The following CRPPA variants were observed in gnomAD, a reference collection of about 807,000 sequenced individuals.
CRPPA encodes D-ribitol-5-phosphate cytidylyltransferase.
Under a neutral mutation model 52.0 loss-of-function variants are expected in CRPPA, and 43 were observed. The ratio of observed to expected loss-of-function variants is 0.83; its 90% CI spans 0.65 to 1.07. CRPPA has a LOEUF of 1.07. Ranked by LOEUF, CRPPA falls within the 50% of genes least tolerant of loss-of-function variation. The pLI is 0.00. For synonymous variants in CRPPA, 250 were observed against 203.5 expected (o/e 1.23, Z -1.94); for missense variants, 629 against 551.7 (o/e 1.14, Z -1.40).
At chr7:16,291,568 A>G (rs1258231919) in intron 5 of CRPPA, among the ~76,000 whole-genome samples, 1 of 152,002 alleles carries the variant, frequency 6.6e-6, no homozygotes, top group Non-Finnish European at 1.5e-5. Flanking sequence ...GAGAATGATG[A>G]CTAACAGAAG....
At chr7:16,303,079 T>C (rs969666755) in intron 4 of CRPPA, among the ~76,000 whole-genome samples, 1 of 152,126 alleles carries the variant, frequency 6.6e-6, no homozygotes, top group East Asian at 1.9e-4. Flanking sequence ...AGGAAAAAAA[T>C]AAGGCTAAAA....
chr7:16,128,565 C>T (rs1376694928), intron 9 of CRPPA, among the ~76,000 whole-genome samples: 1 of 152,000 alleles, frequency 6.6e-6, no homozygotes, highest in African/African-American at 2.4e-5. Context: ...GGTAACAAAG[C>T]CAAAGAAATA....
intron 9 of CRPPA, among the ~76,000 whole-genome samples, chr7:16,170,906 T>G (rs1317352743): frequency 6.6e-6 from 1 of 152,224 alleles, no homozygotes; most frequent in Non-Finnish European, 1.5e-5. Flanking sequence ...GAACTTGCAC[T>G]GGCCTGCGAG....
chr7:16,212,535 G>GT (rs1270876278), intron 9 of CRPPA, among the ~76,000 whole-genome samples: 1 of 152,040 alleles, frequency 6.6e-6, no homozygotes, highest in Non-Finnish European at 1.5e-5. Context: ...TATACACACC[G>GT]TAATGAATAA....
intron 6 of CRPPA, among the ~76,000 whole-genome samples, chr7:16,273,476 C>CGGT (rs908583275): frequency 1.3e-5 from 2 of 151,906 alleles, no homozygotes; most frequent in African/African-American, 4.8e-5. Flanking sequence ...GACGGCTTGA[C>CGGT]GGTAGGACCA....
chr7:16,372,097 T>C (rs990820569), intron 3 of CRPPA, among the ~76,000 whole-genome samples: 2 of 152,176 alleles, frequency 1.3e-5, no homozygotes, highest in Non-Finnish European at 2.9e-5. Context: ...GAGGGAGAAA[T>C]GAAGTCTAAG....
chr7:16,161,109 T>C (rs995138293), intron 9 of CRPPA, among the ~76,000 whole-genome samples: 7 of 152,176 alleles, frequency 4.6e-5, no homozygotes, highest in African/African-American at 1.4e-4. Flanking sequence ...AATATACACA[T>C]ACAATCATGT....
intron 9 of CRPPA, among the ~76,000 whole-genome samples, chr7:16,167,101 T>A (rs1781083570): frequency 6.6e-6 from 1 of 152,078 alleles, no homozygotes; most frequent in Non-Finnish European, 1.5e-5. Flanking sequence ...GCTAATTTTT[T>A]GTACTTAGTA....
chr7:16,210,149 T>C (rs1053366127), intron 9 of CRPPA, among the ~76,000 whole-genome samples: 1 of 152,236 alleles, frequency 6.6e-6, no homozygotes, highest in African/African-American at 2.4e-5. Flanking sequence ...TATACATATA[T>C]ACATGTGTGT....
At chr7:16,123,422 G>A (rs1782515493) in intron 9 of CRPPA, among the ~76,000 whole-genome samples, 1 of 152,076 alleles carries the variant, frequency 6.6e-6, no homozygotes, top group African/African-American at 2.4e-5. Flanking sequence ...TTAGAATCAT[G>A]AGAATTTGTC....
intron 3 of CRPPA, among the ~76,000 whole-genome samples, chr7:16,334,443 G>A (rs769860519): frequency 7.2e-5 from 11 of 152,156 alleles, no homozygotes; most frequent in Admixed American, 7.2e-4. Context: ...CCAAACTTCA[G>A]TGCTCTGCTT....
rs192724140 is a variant in CRPPA, at chr7:16,169,921, T to C, written c.1251+46145A>G. Among the ~76,000 whole-genome samples the C allele has an allele frequency of 1.8e-4, 27 of 152,312 alleles. No homozygotes were observed. The East Asian group carries it at 5.2e-3, about 29-fold the overall frequency. On this transcript the variant is annotated intron_variant, in intron 9 of 9. Coordinates refer to ENST00000407010, the MANE Select transcript of CRPPA (RefSeq NM_001101426.4). ...ACAAATGATAATATTAAACTATAAA[T>C]AATTTAGATATTCCTGTTGATATAA...
At chr7:16,183,947 T>A (rs1781458196) in intron 9 of CRPPA, among the ~76,000 whole-genome samples, 2 of 152,178 alleles carry the variant, frequency 1.3e-5, no homozygotes, top group East Asian at 1.9e-4. Flanking sequence ...GGGTAGTTTT[T>A]TTGTTTGTTT....
chr7:16,400,117 C>T (rs1787767333), intron 2 of CRPPA, among the ~76,000 whole-genome samples: 1 of 151,914 alleles, frequency 6.6e-6, no homozygotes, highest in African/African-American at 2.4e-5. Context: ...TGATACATGA[C>T]CAACACGTGA....
intron 9 of CRPPA, among the ~76,000 whole-genome samples, chr7:16,141,398 T>C (rs1322955865): frequency 6.6e-6 from 1 of 152,228 alleles, no homozygotes; most frequent in Non-Finnish European, 1.5e-5. Flanking sequence ...TATTCTTCTG[T>C]AATTTATGCA....
At chr7:16,279,356 G>C (rs1169059811) in intron 5 of CRPPA, among the ~76,000 whole-genome samples, 1 of 152,088 alleles carries the variant, frequency 6.6e-6, no homozygotes, top group Non-Finnish European at 1.5e-5. Flanking sequence ...CATTCCAGGA[G>C]CTATATGGTA....
At chr7:16,220,389 AG>A (rs1355833461) in intron 8 of CRPPA, among the ~76,000 whole-genome samples, 1 of 92,182 alleles carries the variant, frequency 1.1e-5, no homozygotes, top group East Asian at 2.7e-4. Flanking sequence ...GGCACAAGAC[AG>A]GGATGCCCTC....
intron 3 of CRPPA, among the ~76,000 whole-genome samples, chr7:16,313,249 T>C (rs1441399002): frequency 6.6e-6 from 1 of 151,908 alleles, no homozygotes; most frequent in East Asian, 1.9e-4. Flanking sequence ...GTTTAACAGA[T>C]GTTGCCTTAT....
chr7:16,154,392 T>G (rs1040115156), intron 9 of CRPPA, among the ~76,000 whole-genome samples: 4 of 152,118 alleles, frequency 2.6e-5, no homozygotes, highest in Admixed American at 1.3e-4. Flanking sequence ...CCCCTCTCTG[T>G]GTCCATGTGT....
Sources: allele counts gnomAD v4.1 joint callset (sites outside exome capture counted in the v4.1 genomes callset), GRCh38; gene constraint gnomAD v4.1.1; transcripts MANE v1.5; gene names NCBI Gene and HGNC (gene_info 2026-07-23, HGNC 2026-07-21).